Variants in COL27A1 observed in about 807,000 individuals in gnomAD.
COL27A1 encodes the protein collagen alpha-1(XXVII) chain.
COL27A1 carries 106 observed loss-of-function variants against 251.3 expected under a neutral mutation model. The ratio of observed to expected loss-of-function variants is 0.42; its 90% CI spans 0.36 to 0.50. The LOEUF is 0.50. COL27A1 is among the 20% of genes least tolerant of loss of function. The pLI, the probability that COL27A1 is intolerant of heterozygous loss-of-function variation, is 0.00. For synonymous variants in COL27A1, 1,000 were observed against 986.3 expected, an observed-to-expected ratio of 1.01 and a Z score of -0.26; for missense variants, 2,325 against 2,522.8, an observed-to-expected ratio of 0.92 and a Z score of 1.68.
intron 4 of COL27A1, among the ~76,000 whole-genome samples, chr9:114,179,555 T>C (rs1027158964): frequency 6.6e-6 from 1 of 152,212 alleles, no homozygotes; most frequent in East Asian, 1.9e-4. Context: ...GACCACTCCC[T>C]TCTTGGAACT....
intron 41 of COL27A1, 50 bp downstream of exon 41, chr9:114,284,827 A>G (rs1827345403): frequency 6.2e-7 from 1 of 1,602,538 alleles, no homozygotes; most frequent in Non-Finnish European, 8.6e-7. Flanking sequence ...TCTGAGGCTG[A>G]GGTCAGCTTC....
intron 38 of COL27A1, 22 bp downstream of exon 38, chr9:114,282,352 G>A: frequency 1.2e-6 from 2 of 1,613,880 alleles, no homozygotes; most frequent in East Asian, 2.2e-5. Context: ...CTTCTGACTT[G>A]ATAGGCCTGC....
chr9:114,235,496 G>A (rs1832315888), intron 16 of COL27A1, 103 bp from the exon 17 acceptor site: 1 of 901,270 alleles, frequency 1.1e-6, no homozygotes, highest in African/African-American at 1.6e-5. Flanking sequence ...TCCGACTTGG[G>A]AAACAGCCTC....
chr9:114,178,633 G>A (rs1457623123), intron 4 of COL27A1, among the ~76,000 whole-genome samples: 5 of 152,102 alleles, frequency 3.3e-5, no homozygotes, highest in Non-Finnish European at 4.4e-5. Context: ...ACATCCCTTC[G>A]GCTGGTGAGC....
At chr9:114,209,448 G>T in intron 10 of COL27A1, 1 of 770,926 alleles carries the variant, frequency 1.3e-6, no homozygotes. Flanking sequence ...TGGCGTGAGG[G>T]TATGTGCCTT....
rs1188332241 is a variant in COL27A1 at position 114,310,867 on chromosome 9, A to T, written c.*172A>T. The T allele has an allele frequency of 3.0e-5, 18 of 609,176 alleles. No homozygotes were observed. The highest frequency in any genetic ancestry group is 8.4e-6 in the Non-Finnish European group (3 of 357,520). The allele number at this position is 609,176 out of a possible 1,614,324, so 37.7% of individuals were successfully genotyped here. On this transcript the variant is annotated 3_prime_UTR_variant, in exon 61 of 61. Transcript: ENST00000356083. ...GAAGTGGGTGGGGGTAGGAGGGGAT[A>T]GGGTGTCCTTGGGAACAATGGATCC... is the stretch of plus-strand genomic sequence containing the variant.
rs1200164960 is a variant in COL27A1 at position 114,206,270 on chromosome 9, G to A, written c.2242G>A (p.Gly748Arg). The change falls in exon 10 of 61, where the codon GGA becomes AGA. Residue 748 changes from glycine to arginine, a missense_variant. Coordinates refer to ENST00000356083, the MANE Select transcript of COL27A1 (RefSeq NM_032888.4). ...PGRQGLPGPV[G>R]DPGPKGSRGY... is the part of the protein sequence containing the mutation. Reference sequence around the variant, plus strand: ...GTTTCAGGGGTTACCTGGACCGGTAGGAGATCCCGGCCCCAAAGGCAGCAG... The same window carrying A: ...GTTTCAGGGGTTACCTGGACCGGTAAGAGATCCCGGCCCCAAAGGCAGCAG... 3.1e-6 allele frequency: 5 copies of A among 1,614,154 alleles called. No individual in the cohort carries two copies. The South Asian group carries it at 4.4e-5, about 14-fold the overall frequency.
intron 24 of COL27A1, among the ~76,000 whole-genome samples, chr9:114,247,368 C>G (rs1189170443): frequency 2.6e-5 from 4 of 152,160 alleles, no homozygotes; most frequent in African/African-American, 9.7e-5. Context: ...ATATTCGAGG[C>G]AAATGCTAAA....
chr9:114,277,532 T>C (rs1335378145), intron 37 of COL27A1, among the ~76,000 whole-genome samples: 1 of 152,192 alleles, frequency 6.6e-6, no homozygotes, highest in Non-Finnish European at 1.5e-5. Flanking sequence ...CAAACTATGG[T>C]TGTGGGAAAA....
chr9:114,234,249 C>CA (rs1184654402), intron 16 of COL27A1, among the ~76,000 whole-genome samples: 1 of 143,610 alleles, frequency 7.0e-6, no homozygotes, highest in Non-Finnish European at 1.5e-5. Context: ...TGTGGTTCCC[C>CA]AAATACCAGG....
chr9:114,237,533 T>A, intron 18 of COL27A1, 129 bp from the exon 19 acceptor site: 1 of 773,868 alleles, frequency 1.3e-6, no homozygotes, highest in Non-Finnish European at 2.3e-6. Context: ...CTCCTTCTAG[T>A]TGTCCAGGCA....
chr9:114,284,819 T>G, intron 41 of COL27A1, 42 bp downstream of exon 41: 1 of 1,608,252 alleles, frequency 6.2e-7, no homozygotes, highest in South Asian at 1.1e-5. Flanking sequence ...CCCTCGTGTC[T>G]GAGGCTGAGG....
chr9:114,284,657 T>G, intron 40 of COL27A1, 67 bp from the exon 41 acceptor site: 1 of 1,539,656 alleles, frequency 6.5e-7, no homozygotes, highest in Non-Finnish European at 9.0e-7. Flanking sequence ...ATCCCCATCT[T>G]GGAGTCCATG....
chr9:114,279,509 T>C (rs1835775898), intron 37 of COL27A1, among the ~76,000 whole-genome samples: 1 of 152,156 alleles, frequency 6.6e-6, no homozygotes, highest in South Asian at 2.1e-4. Flanking sequence ...AATTTTCTAG[T>C]AGCCACCTTT....
intron 13 of COL27A1, among the ~76,000 whole-genome samples, chr9:114,221,323 C>T (rs567806425): frequency 6.1e-4 from 93 of 152,272 alleles, no homozygotes; most frequent in South Asian, 3.3e-3. Flanking sequence ...ACCAGAGCCT[C>T]TCCCTCAATA....
intron 4 of COL27A1, among the ~76,000 whole-genome samples, chr9:114,180,799 G>T (rs1304174010): frequency 1.3e-5 from 2 of 152,152 alleles, no homozygotes; most frequent in African/African-American, 4.8e-5. Flanking sequence ...TCAACTATGT[G>T]CCTCGTTTCT....
chr9:114,220,994 C>CAAAA (rs35673362), intron 13 of COL27A1, among the ~76,000 whole-genome samples: 3 of 107,772 alleles, frequency 2.8e-5, no homozygotes, highest in South Asian at 3.1e-4. Context: ...GACTCTGTCT[C>CAAAA]AAAAAAAAAA....
chr9:114,267,610 T>G (rs1834835758), intron 34 of COL27A1, 53 bp downstream of exon 34: 2 of 1,500,042 alleles, frequency 1.3e-6, no homozygotes, highest in Non-Finnish European at 1.8e-6. Flanking sequence ...AGCTCCCAGA[T>G]GGTGGCCACA....
chr9:114,295,274 G>A (rs1273479434), intron 49 of COL27A1, among the ~76,000 whole-genome samples: 1 of 152,162 alleles, frequency 6.6e-6, no homozygotes, highest in African/African-American at 2.4e-5. Flanking sequence ...ATAGAACACT[G>A]GTAAGAGAAA....
Sources: gnomAD v4.1 joint callset for allele counts (sites outside exome capture counted in the v4.1 genomes callset) on GRCh38, gnomAD v4.1.1 for gene constraint, MANE v1.5 for transcripts, NCBI Gene and HGNC (gene_info 2026-07-23, HGNC 2026-07-21) for gene names.